Variants in KCNQ5 observed in about 807,000 individuals in gnomAD.
KCNQ5 encodes the protein potassium voltage-gated channel subfamily KQT member 5.
In KCNQ5, 30 loss-of-function variants were observed where a neutral mutation model predicts 98.2. That is an observed-to-expected ratio of 0.31 (90% CI 0.23 to 0.41). The LOEUF is 0.41. KCNQ5 is among the 10% of genes least tolerant of loss of function. The pLI, the probability that KCNQ5 is intolerant of heterozygous loss-of-function variation, is 1.00. For missense variants in KCNQ5, 835 were observed against 1,182.5 expected (o/e 0.71, Z 4.31); for synonymous variants, 458 against 449.4 (o/e 1.02, Z -0.24).
chr6:72,860,061 A>G (rs1461364234), intron 1 of KCNQ5, among the ~76,000 whole-genome samples: 1 of 152,106 alleles, frequency 6.6e-6, no homozygotes, highest in Non-Finnish European at 1.5e-5. Flanking sequence ...CCCCAAAGGG[A>G]AGACAATGCC....
At chr6:72,643,947 A>G (rs79007653) in intron 1 of KCNQ5, among the ~76,000 whole-genome samples, 2,377 of 152,302 alleles carry the variant, frequency 0.016, 31 homozygotes, top group Middle Eastern at 0.051. Context: ...AAACTGTCCA[A>G]GGGAATACTG....
intron 1 of KCNQ5, among the ~76,000 whole-genome samples, chr6:72,781,402 G>T (rs771289672): frequency 2.6e-5 from 4 of 152,088 alleles, no homozygotes; most frequent in Non-Finnish European, 5.9e-5. Context: ...CCAACTTTGT[G>T]GTAGTTATGG....
intron 8 of KCNQ5, among the ~76,000 whole-genome samples, chr6:73,122,861 G>A (rs1410854024): frequency 6.6e-6 from 1 of 152,180 alleles, no homozygotes; most frequent in Non-Finnish European, 1.5e-5. Flanking sequence ...AAGCAAACTT[G>A]CTTTAATCAA....
chr6:72,645,400 A>C (rs200637102), intron 1 of KCNQ5, among the ~76,000 whole-genome samples: 1 of 148,606 alleles, frequency 6.7e-6, no homozygotes, highest in Admixed American at 7.0e-5. Context: ...AAAAAAAAAA[A>C]ACACACATAC....
At chr6:72,918,894 G>T (rs555119253) in intron 1 of KCNQ5, among the ~76,000 whole-genome samples, 2 of 152,322 alleles carry the variant, frequency 1.3e-5, no homozygotes, top group South Asian at 2.1e-4. Context: ...AAAGACTAGA[G>T]CTAGAAAGAG....
At chr6:72,943,571 A>G (rs889781809) in intron 1 of KCNQ5, among the ~76,000 whole-genome samples, 4 of 152,236 alleles carry the variant, frequency 2.6e-5, no homozygotes, top group Non-Finnish European at 5.9e-5. Flanking sequence ...AAATTATTGA[A>G]TAAATTCTAG....
At chr6:72,628,202 C>G (rs73753402) in intron 1 of KCNQ5, among the ~76,000 whole-genome samples, 512 of 152,132 alleles carry the variant, frequency 3.4e-3, no homozygotes, top group African/African-American at 0.012. Flanking sequence ...CAGGGTGAGC[C>G]GAAGCTGAAA....
chr6:72,710,094 C>T (rs1287140369), intron 1 of KCNQ5, among the ~76,000 whole-genome samples: 1 of 151,998 alleles, frequency 6.6e-6, no homozygotes, highest in Non-Finnish European at 1.5e-5. Flanking sequence ...TAGGAAAAGG[C>T]CTGGTCTTCT....
chr6:72,632,855 C>T (rs1296953739), intron 1 of KCNQ5, among the ~76,000 whole-genome samples: 1 of 151,732 alleles, frequency 6.6e-6, no homozygotes, highest in African/African-American at 2.4e-5. Context: ...AGGTTGATTC[C>T]ATGTCCTTGC....
At chr6:72,913,724 G>A (rs912499142) in intron 1 of KCNQ5, among the ~76,000 whole-genome samples, 114 of 152,246 alleles carry the variant, frequency 7.5e-4, no homozygotes, top group African/African-American at 2.7e-3. Flanking sequence ...TTAGAGTCAC[G>A]GCTGAGGCCC....
intron 3 of KCNQ5, among the ~76,000 whole-genome samples, chr6:73,071,511 A>G (rs571261622): frequency 1.2e-4 from 19 of 152,312 alleles, no homozygotes; most frequent in African/African-American, 4.3e-4. Flanking sequence ...TAAAGAAAGT[A>G]GGTTTATGTG....
intron 1 of KCNQ5, among the ~76,000 whole-genome samples, chr6:72,864,062 ACTGT>A (rs763007128): frequency 6.6e-6 from 1 of 152,174 alleles, no homozygotes; most frequent in South Asian, 2.1e-4. Flanking sequence ...AAATATTGAA[ACTGT>A]CTGAGTCTGT....
rs185884045 is a variant in KCNQ5, at chr6:73,067,086, C to T, written c.617-10236C>T. On this transcript the variant is annotated intron_variant, in intron 3 of 13. Transcript: ENST00000370398. ...TTTACCTGAATATCAACTATTTGCA[C>T]GTAGTTATATTCCCTATTCTTGATA... 1.6e-4 allele frequency among the ~76,000 whole-genome samples: 24 copies of T among 152,190 alleles called. No homozygotes were observed. The East Asian group carries it at 1.7e-3, about 11-fold the overall frequency.
intron 1 of KCNQ5, among the ~76,000 whole-genome samples, chr6:72,940,794 A>G (rs549062374): frequency 6.6e-6 from 1 of 152,290 alleles, no homozygotes; most frequent in Admixed American, 6.5e-5. Context: ...TCTTAGCCTT[A>G]GTGTTCCCTG....
chr6:73,030,881 T>C (rs934605621), intron 2 of KCNQ5, among the ~76,000 whole-genome samples: 1 of 152,224 alleles, frequency 6.6e-6, no homozygotes, highest in African/African-American at 2.4e-5. Context: ...AAGCAGAATG[T>C]CTTCCCCACT....
intron 1 of KCNQ5, among the ~76,000 whole-genome samples, chr6:72,728,130 A>G (rs182295500): frequency 6.6e-6 from 1 of 152,318 alleles, no homozygotes; most frequent in African/African-American, 2.4e-5. Context: ...TAGGTTATGC[A>G]AAGTCATATA....
At chr6:73,157,514 GAACT>G in intron 10 of KCNQ5, 1 of 717,236 alleles carries the variant, frequency 1.4e-6, no homozygotes, top group South Asian at 1.5e-5. Flanking sequence ...CCAGACTGAA[GAACT>G]AACAGAACTG....
At chr6:72,763,758 C>T (rs1011081175) in intron 1 of KCNQ5, among the ~76,000 whole-genome samples, 2 of 151,796 alleles carry the variant, frequency 1.3e-5, no homozygotes, top group African/African-American at 2.4e-5. Context: ...GAGGAAGACA[C>T]ATGAAAGAAC....
At chr6:72,667,748 G>A (rs774535058) in intron 1 of KCNQ5, among the ~76,000 whole-genome samples, 4 of 152,136 alleles carry the variant, frequency 2.6e-5, no homozygotes, top group Non-Finnish European at 4.4e-5. Context: ...TAATGTAATA[G>A]TAATAGGGCA....
Sources: allele counts gnomAD v4.1 joint callset (sites outside exome capture counted in the v4.1 genomes callset), GRCh38; gene constraint gnomAD v4.1.1; transcripts MANE v1.5; gene names NCBI Gene and HGNC (gene_info 2026-07-23, HGNC 2026-07-21).